The following RGS7 variants were observed in gnomAD, a reference collection of about 807,000 sequenced individuals.
RGS7 encodes regulator of G protein signaling 7.
Under a neutral mutation model 81.1 loss-of-function variants are expected in RGS7, and 27 were observed. The ratio of observed to expected loss-of-function variants is 0.33; its 90% CI spans 0.25 to 0.46. RGS7 has a LOEUF of 0.46. RGS7 is among the 20% of genes least tolerant of loss of function. The probability of loss-of-function intolerance (pLI) is 1.00; values close to 1 mark genes in which losing one functional copy is unlikely to be tolerated. For missense variants in RGS7, 396 were observed against 607.4 expected (o/e 0.65, Z 3.66); for synonymous variants, 208 against 207.7 (o/e 1.00, Z -0.01).
At chr1:241,099,213 A>C (rs918672732) in intron 2 of RGS7, among the ~76,000 whole-genome samples, 1 of 152,166 alleles carries the variant, frequency 6.6e-6, no homozygotes, top group African/African-American at 2.4e-5. Flanking sequence ...TTTGTTTTAC[A>C]ATAAAGTTCT....
chr1:240,806,045 A>C, intron 15 of RGS7, 95 bp downstream of exon 15: 1 of 1,088,684 alleles, frequency 9.2e-7, no homozygotes, highest in Non-Finnish European at 1.4e-6. Context: ...AAAATGTTAG[A>C]AATAGCTGCC....
chr1:241,295,708 G>A (rs2079384861), intron 2 of RGS7, among the ~76,000 whole-genome samples: 1 of 152,168 alleles, frequency 6.6e-6, no homozygotes. Context: ...TGTTGTTGGA[G>A]CTGTCTTTCT....
intron 2 of RGS7, among the ~76,000 whole-genome samples, chr1:241,222,578 C>T (rs1915885): frequency 0.65 from 98,720 of 152,002 alleles, 32,275 homozygotes; most frequent in Non-Finnish European, 0.66. Context: ...ATATAATTAT[C>T]GTTATTATTA....
At chr1:241,116,026 C>T (rs2065866055) in intron 2 of RGS7, among the ~76,000 whole-genome samples, 1 of 152,106 alleles carries the variant, frequency 6.6e-6, no homozygotes, top group Admixed American at 6.6e-5. Context: ...ACGTGTGCTT[C>T]CTCTTTGCCT....
intron 3 of RGS7, 77 bp downstream of exon 3, chr1:241,098,589 T>C: frequency 1.1e-6 from 1 of 950,058 alleles, no homozygotes; most frequent in South Asian, 1.3e-5. Context: ...GTTTCAATAG[T>C]GAACAGCTGG....
In RGS7 at chr1:241,215,394, G is replaced by C. The variant is rs568416931; in HGVS notation, c.79-116632C>G. Reference sequence around the variant, plus strand: ...CGCTGGCTCTTAGCAACAGGAAGTAGTTGAAATCTCTGTTAGGCTCTTTCA... The same window carrying C: ...CGCTGGCTCTTAGCAACAGGAAGTACTTGAAATCTCTGTTAGGCTCTTTCA... On this transcript the variant is annotated intron_variant, in intron 2 of 18. Coordinates refer to ENST00000440928, the MANE Select transcript of RGS7 (RefSeq NM_001364886.1). 5.9e-5 allele frequency among the ~76,000 whole-genome samples: 9 copies of C among 152,306 alleles called. No individual in the cohort carries two copies. The East Asian group carries it at 1.7e-3, about 29-fold the overall frequency.
chr1:241,028,565 G>T (rs548086999), intron 3 of RGS7, among the ~76,000 whole-genome samples: 2 of 152,270 alleles, frequency 1.3e-5, no homozygotes, highest in Admixed American at 1.3e-4. Flanking sequence ...AGGAGAGCCA[G>T]GAGAGCACGG....
intron 3 of RGS7, among the ~76,000 whole-genome samples, chr1:241,009,306 T>A (rs551190575): frequency 1.3e-5 from 2 of 152,228 alleles, no homozygotes; most frequent in African/African-American, 4.8e-5. Flanking sequence ...GTTTTCTGCC[T>A]GTATAAGCAA....
chr1:241,156,180 A>G (rs574342966), intron 2 of RGS7, among the ~76,000 whole-genome samples: 7 of 151,562 alleles, frequency 4.6e-5, no homozygotes, highest in African/African-American at 1.5e-4. Context: ...ATACATATAC[A>G]TAGACAGACA....
chr1:240,789,822 C>T (rs1445317140), intron 18 of RGS7, among the ~76,000 whole-genome samples: 1 of 152,172 alleles, frequency 6.6e-6, no homozygotes, highest in African/African-American at 2.4e-5. Flanking sequence ...CCTCCATTTA[C>T]CTTGTGATAT....
intron 9 of RGS7, among the ~76,000 whole-genome samples, chr1:240,858,069 T>C (rs903996253): frequency 3.3e-5 from 5 of 152,240 alleles, no homozygotes; most frequent in African/African-American, 1.2e-4. Flanking sequence ...TTACCCAGTC[T>C]TGGGTATGTC....
intron 2 of RGS7, among the ~76,000 whole-genome samples, chr1:241,283,113 T>C (rs2078614539): frequency 6.6e-6 from 1 of 152,200 alleles, no homozygotes; most frequent in South Asian, 2.1e-4. Flanking sequence ...AAATATGTCC[T>C]TTATATATAT....
chr1:240,980,619 A>G (rs980204761), intron 4 of RGS7, among the ~76,000 whole-genome samples: 2 of 152,222 alleles, frequency 1.3e-5, no homozygotes, highest in African/African-American at 4.8e-5. Flanking sequence ...CAGCCACCAA[A>G]GTAACTTTCA....
Position 241,187,361 on chromosome 1 carries a change from T to G in RGS7, c.79-88599A>C, listed in dbSNP as rs552658425. 7.1e-4 allele frequency among the ~76,000 whole-genome samples: 108 copies of G among 152,294 alleles called. 1 individual carries two copies. The highest frequency in any genetic ancestry group is 2.3e-3 in the African/African-American group (95 of 41,558). ...GGAAAATTCAGTTTAGAGTGATAAA[T>G]GACTTATTCAATGCTACATTGCTAG... is the stretch of plus-strand genomic sequence containing the variant. On this transcript the variant is annotated intron_variant, in intron 2 of 18. Coordinates refer to ENST00000440928, the MANE Select transcript of RGS7 (RefSeq NM_001364886.1).
chr1:240,978,448 T>G (rs1467646087), intron 4 of RGS7, among the ~76,000 whole-genome samples: 1 of 151,982 alleles, frequency 6.6e-6, no homozygotes, highest in Admixed American at 6.6e-5. Flanking sequence ...AATAGAGAAC[T>G]AGAAAAAAAT....
chr1:240,926,864 G>A lies in RGS7; in HGVS notation c.385+3853C>T, dbSNP rs529383268. 3.2e-4 allele frequency among the ~76,000 whole-genome samples: 49 copies of A among 152,212 alleles called. 1 individual carries two copies. In the South Asian group the frequency reaches 8.5e-3, roughly 26 times the overall value. ...TATAAAGATATAGGCCTTTTAGTCC[G>A]TATTGGCTTGTCTTAGTTATTGAAC... is the stretch of plus-strand genomic sequence containing the variant. On this transcript the variant is annotated intron_variant, in intron 6 of 18. Transcript: ENST00000440928.
At chr1:241,167,926 C>A (rs1206074873) in intron 2 of RGS7, among the ~76,000 whole-genome samples, 1 of 152,124 alleles carries the variant, frequency 6.6e-6, no homozygotes, top group East Asian at 1.9e-4. Flanking sequence ...GTCATGGAAG[C>A]TGGAAGGGGC....
chr1:241,085,298 C>T (rs1020351535), intron 3 of RGS7, among the ~76,000 whole-genome samples: 1 of 152,152 alleles, frequency 6.6e-6, no homozygotes, highest in Non-Finnish European at 1.5e-5. Context: ...TCATTCCTAG[C>T]TAGGTTAATA....
chr1:240,881,299 T>A (rs1342888548), intron 6 of RGS7, among the ~76,000 whole-genome samples: 1 of 128,092 alleles, frequency 7.8e-6, no homozygotes, highest in East Asian at 2.2e-4. Context: ...AATTGAACAA[T>A]GAGAACACTT....
Sources: gnomAD v4.1 joint callset for allele counts (sites outside exome capture counted in the v4.1 genomes callset) on GRCh38, gnomAD v4.1.1 for gene constraint, MANE v1.5 for transcripts, NCBI Gene and HGNC (gene_info 2026-07-23, HGNC 2026-07-21) for gene names.